CADM2: variants seen among roughly 807,000 people sequenced by gnomAD.
CADM2 encodes immunoglobulin superfamily member 4D.
CADM2 carries 12 observed loss-of-function variants against 49.8 expected under a neutral mutation model. The observed-to-expected ratio is 0.24, with a 90% CI of 0.15 to 0.39. The LOEUF is 0.39. Ranked by LOEUF, CADM2 falls within the 10% of genes least tolerant of loss-of-function variation. The probability of loss-of-function intolerance (pLI) is 1.00; values close to 1 mark genes in which losing one functional copy is unlikely to be tolerated. For missense variants in CADM2, 378 were observed against 492.3 expected, an observed-to-expected ratio of 0.77 and a Z score of 2.20; for synonymous variants, 214 against 175.4, an observed-to-expected ratio of 1.22 and a Z score of -1.74.
intron 1 of CADM2, among the ~76,000 whole-genome samples, chr3:85,385,090 C>T (rs530047770): frequency 6.6e-6 from 1 of 151,988 alleles, no homozygotes; most frequent in East Asian, 1.9e-4. Context: ...TGCGCTCCAG[C>T]ACACCTGCTA....
intron 1 of CADM2, among the ~76,000 whole-genome samples, chr3:85,038,021 A>G (rs2035292507): frequency 6.6e-6 from 1 of 152,134 alleles, no homozygotes; most frequent in Non-Finnish European, 1.5e-5. Context: ...TACAGTGAGG[A>G]ACAGAAAAAG....
chr3:85,460,043 A>G (rs2038169883), intron 1 of CADM2, among the ~76,000 whole-genome samples: 1 of 152,202 alleles, frequency 6.6e-6, no homozygotes, highest in Non-Finnish European at 1.5e-5. Flanking sequence ...GATACTGTAA[A>G]AAATGTTTTC....
intron 1 of CADM2, among the ~76,000 whole-genome samples, chr3:85,620,929 TG>T (rs1365882263): frequency 6.6e-6 from 1 of 152,110 alleles, no homozygotes; most frequent in African/African-American, 2.4e-5. Context: ...AATTAGTTCT[TG>T]TTGTTAAAAA....
At chr3:85,325,901 C>T (rs535781921) in intron 1 of CADM2, among the ~76,000 whole-genome samples, 70 of 152,210 alleles carry the variant, frequency 4.6e-4, no homozygotes, top group Non-Finnish European at 9.0e-4. Context: ...CAGGGACTCT[C>T]CTCAAGCGAC....
At chr3:85,484,726 C>T (rs1457288468) in intron 1 of CADM2, among the ~76,000 whole-genome samples, 1 of 151,976 alleles carries the variant, frequency 6.6e-6, no homozygotes, top group Non-Finnish European at 1.5e-5. Flanking sequence ...CAACTTAAAA[C>T]TGAAACTATT....
At chr3:85,375,659 G>A (rs768854585) in intron 1 of CADM2, among the ~76,000 whole-genome samples, 3 of 152,022 alleles carry the variant, frequency 2.0e-5, no homozygotes, top group East Asian at 1.9e-4. Context: ...ACGAACAAAC[G>A]AACACATTTT....
At chr3:85,803,354 C>T (rs1012749830) in intron 3 of CADM2, among the ~76,000 whole-genome samples, 1 of 151,766 alleles carries the variant, frequency 6.6e-6, no homozygotes, top group African/African-American at 2.4e-5. Context: ...AGGAGACAGA[C>T]AATAAAGAAA....
intron 1 of CADM2, among the ~76,000 whole-genome samples, chr3:85,234,286 A>C (rs185208607): frequency 1.3e-5 from 2 of 152,266 alleles, no homozygotes; most frequent in East Asian, 3.9e-4. Flanking sequence ...TATTGAGGTA[A>C]AATGTATATA....
intron 1 of CADM2, chr3:84,960,028 A>G (rs886528790): frequency 8.4e-6 from 3 of 356,660 alleles, no homozygotes; most frequent in Non-Finnish European, 1.5e-5. Flanking sequence ...CCCACCAGCC[A>G]CCTCCCACAT....
intron 1 of CADM2, among the ~76,000 whole-genome samples, chr3:85,175,975 C>CTGGA (rs1458932908): frequency 8.1e-6 from 1 of 123,524 alleles, no homozygotes; most frequent in African/African-American, 3.2e-5. Flanking sequence ...GTCGCCCAGG[C>CTGGA]TGGAGTGCAG....
chr3:85,266,723 T>C (rs2043128004), intron 1 of CADM2, among the ~76,000 whole-genome samples: 1 of 151,852 alleles, frequency 6.6e-6, no homozygotes, highest in African/African-American at 2.4e-5. Flanking sequence ...CTTAATGATC[T>C]ATTTTCATGG....
At chr3:85,934,541 G>A (rs954233363) in intron 6 of CADM2, among the ~76,000 whole-genome samples, 1 of 151,796 alleles carries the variant, frequency 6.6e-6, no homozygotes, top group Non-Finnish European at 1.5e-5. Context: ...ATGTTTATTT[G>A]CAACCAGAAT....
chr3:85,723,761 A>G (rs945813052), intron 1 of CADM2, among the ~76,000 whole-genome samples: 3 of 152,102 alleles, frequency 2.0e-5, no homozygotes, highest in East Asian at 3.8e-4. Context: ...TCACTAATTT[A>G]TGATAAAATG....
intron 1 of CADM2, among the ~76,000 whole-genome samples, chr3:85,176,751 A>G (rs2040797299): frequency 6.6e-6 from 1 of 152,206 alleles, no homozygotes; most frequent in Non-Finnish European, 1.5e-5. Flanking sequence ...ACTACAAAAG[A>G]TAAAGCTGGA....
chr3:84,959,043 G>T lies in CADM2; in HGVS notation c.-565G>T. 1 of 198,512 alleles carries T rather than the reference G, an allele frequency of 5.0e-6. No individual in the cohort carries two copies. The highest frequency in any genetic ancestry group is 1.0e-5 in the Non-Finnish European group (1 of 99,712). The allele number at this position is 198,512 out of a possible 1,614,324, so 12.3% of individuals were successfully genotyped here. A position where few individuals can be genotyped will look rare whatever the true frequency, so the allele number is the denominator to read the frequency against. On this transcript the variant is annotated 5_prime_UTR_variant, in exon 1 of 10. Coordinates refer to ENST00000383699, the MANE Select transcript of CADM2 (RefSeq NM_001167675.2). ...GCCGCCACAGCCGCCGCTGCAGCCG[G>T]AGCATCCGGGAGCCGCCACTGCCGC...
At chr3:85,344,337 C>A (rs1051115913) in intron 1 of CADM2, among the ~76,000 whole-genome samples, 1 of 151,156 alleles carries the variant, frequency 6.6e-6, no homozygotes, top group African/African-American at 2.4e-5. Flanking sequence ...GCAGAGATTG[C>A]GCCACTGCAC....
At chr3:85,210,367 C>A (rs2041748408) in intron 1 of CADM2, among the ~76,000 whole-genome samples, 1 of 152,070 alleles carries the variant, frequency 6.6e-6, no homozygotes, top group Non-Finnish European at 1.5e-5. Context: ...TTGTTGAACA[C>A]AATCAGCTAG....
chr3:85,123,995 A>G (rs969016057), intron 1 of CADM2, among the ~76,000 whole-genome samples: 1 of 152,200 alleles, frequency 6.6e-6, no homozygotes, highest in Non-Finnish European at 1.5e-5. Context: ...ACTGGGGGAT[A>G]TTAGTGAGGA....
chr3:85,280,568 T>C (rs920165499), intron 1 of CADM2, among the ~76,000 whole-genome samples: 5 of 151,776 alleles, frequency 3.3e-5, no homozygotes, highest in African/African-American at 1.2e-4. Flanking sequence ...TTGACTTTCC[T>C]GGATCCGGTT....
Sources: allele counts gnomAD v4.1 joint callset (sites outside exome capture counted in the v4.1 genomes callset), GRCh38; gene constraint gnomAD v4.1.1; transcripts MANE v1.5; gene names NCBI Gene and HGNC (gene_info 2026-07-23, HGNC 2026-07-21).